INSL6: variants seen among roughly 807,000 people sequenced by gnomAD.
INSL6 encodes the protein insulin like 6, also known as insulin-like peptide INSL6.
In INSL6, 16 loss-of-function variants were observed where a neutral mutation model predicts 9.4. That is an observed-to-expected ratio of 1.70 (90% CI 1.15 to 2.59). INSL6 has a LOEUF of 2.59. Ranked by LOEUF, INSL6 falls within the 30% of genes most tolerant of loss-of-function variation. The pLI, the probability that INSL6 is intolerant of heterozygous loss-of-function variation, is 0.00. For missense variants in INSL6, 391 were observed against 257.3 expected (o/e 1.52, Z -3.56); for synonymous variants, 154 against 96.9 (o/e 1.59, Z -3.46).
intron 2 of INSL6, among the ~76,000 whole-genome samples, chr9:5,147,044 A>G (rs565380609): frequency 7.9e-5 from 12 of 152,162 alleles, no homozygotes; most frequent in Non-Finnish European, 7.4e-5. Flanking sequence ...CCCTAGAACT[A>G]AAGTCTCTTA....
chr9:5,148,888 C>A (rs1179925586), intron 2 of INSL6, among the ~76,000 whole-genome samples: 1 of 152,228 alleles, frequency 6.6e-6, no homozygotes, highest in Non-Finnish European at 1.5e-5. Context: ...CATACTCCTA[C>A]AGGGCAGCCT....
chr9:5,014,392 A>C, the INSL6 span, among the ~76,000 whole-genome samples: 1 of 152,150 alleles, frequency 6.6e-6, no homozygotes. Context: ...CATTTATTCA[A>C]CAACTTTCAT....
the INSL6 span, among the ~76,000 whole-genome samples, chr9:5,002,302 C>G: frequency 6.6e-6 from 1 of 152,010 alleles, no homozygotes; most frequent in East Asian, 1.9e-4. Flanking sequence ...TCTCTAACCA[C>G]TATTTTAGCT....
At chr9:4,997,736 G>T in the INSL6 span, among the ~76,000 whole-genome samples, 1 of 152,190 alleles carries the variant, frequency 6.6e-6, no homozygotes. Flanking sequence ...GATTCATTAG[G>T]AGTGGATTTT....
chr9:5,147,012 C>T (rs2130891569), intron 2 of INSL6, among the ~76,000 whole-genome samples: 1 of 152,260 alleles, frequency 6.6e-6, no homozygotes, highest in East Asian at 1.9e-4. Flanking sequence ...GATTACCCTT[C>T]AGAGACCAGG....
At chr9:5,085,994 G>C in the INSL6 span, 2 of 903,734 alleles carry the variant, frequency 2.2e-6, no homozygotes, top group Non-Finnish European at 1.9e-6. Flanking sequence ...ACGGGGTTGT[G>C]TGATGAAACT....
chr9:5,061,159 CTT>C, the INSL6 span, among the ~76,000 whole-genome samples: 1 of 152,318 alleles, frequency 6.6e-6, no homozygotes. Context: ...GCAGAGTAGA[CTT>C]AGCATAATTC....
At chr9:5,070,050 T>C in the INSL6 span, 10 of 1,598,004 alleles carry the variant, frequency 6.3e-6, no homozygotes, top group Non-Finnish European at 8.5e-6. Context: ...AGATTTGATA[T>C]TTGTAAGTCA....
the INSL6 span, among the ~76,000 whole-genome samples, chr9:5,102,162 C>G: frequency 1.3e-5 from 2 of 152,116 alleles, no homozygotes; most frequent in African/African-American, 4.8e-5. Context: ...AGACCAATGG[C>G]TAACTACAAT....
chr9:5,022,270 A>T, the INSL6 span: 12 of 1,147,032 alleles, frequency 1.0e-5, no homozygotes, highest in Admixed American at 2.0e-4. Flanking sequence ...TAATTATGCT[A>T]TGCTAATACT....
chr9:5,154,912 T>A (rs2130898230), intron 2 of INSL6, among the ~76,000 whole-genome samples: 1 of 152,228 alleles, frequency 6.6e-6, no homozygotes, highest in African/African-American at 2.4e-5. Flanking sequence ...TGGAAGTCAG[T>A]GTGGCGATTC....
chr9:5,012,198 C>G, the INSL6 span, among the ~76,000 whole-genome samples: 1 of 152,156 alleles, frequency 6.6e-6, no homozygotes, highest in East Asian at 1.9e-4. Context: ...GCTCTGTCCC[C>G]TCCTCTGGCC....
At chr9:4,994,075 A>T in the INSL6 span, among the ~76,000 whole-genome samples, 1 of 152,182 alleles carries the variant, frequency 6.6e-6, no homozygotes, top group Non-Finnish European at 1.5e-5. Flanking sequence ...GTTAATAATT[A>T]TCCTACTTGT....
At chr9:5,025,809 G>T in the INSL6 span, among the ~76,000 whole-genome samples, 3 of 152,092 alleles carry the variant, frequency 2.0e-5, no homozygotes, top group African/African-American at 7.2e-5. Context: ...GTGAGCCACT[G>T]CACCCAGCCA....
chr9:5,039,932 A>C, the INSL6 span, among the ~76,000 whole-genome samples: 2 of 152,228 alleles, frequency 1.3e-5, no homozygotes, highest in African/African-American at 4.8e-5. Context: ...GAATTCCTAA[A>C]TGTCTTTATT....
chr9:5,020,744 A>C, the INSL6 span, among the ~76,000 whole-genome samples: 1 of 152,066 alleles, frequency 6.6e-6, no homozygotes, highest in Non-Finnish European at 1.5e-5. Flanking sequence ...TGCTGGGAGC[A>C]GTGGGGTTAT....
chr9:5,102,582 C>T, the INSL6 span, among the ~76,000 whole-genome samples: 201 of 152,158 alleles, frequency 1.3e-3, 1 homozygote, highest in African/African-American at 4.5e-3. Context: ...CCCCAAGACA[C>T]GTAATTGTCA....
At chr9:5,174,763 G>T (rs1042920720) in intron 1 of INSL6, among the ~76,000 whole-genome samples, 4 of 152,106 alleles carry the variant, frequency 2.6e-5, no homozygotes, top group Non-Finnish European at 5.9e-5. Flanking sequence ...CCACATTAAT[G>T]TTTCAAACTC....
the INSL6 span, among the ~76,000 whole-genome samples, chr9:5,093,193 C>T: frequency 6.6e-6 from 1 of 152,078 alleles, no homozygotes; most frequent in African/African-American, 2.4e-5. Flanking sequence ...AATAAGCATC[C>T]TATTATTTAT....
Sources: allele counts gnomAD v4.1 joint callset (sites outside exome capture counted in the v4.1 genomes callset), GRCh38; gene constraint gnomAD v4.1.1; transcripts MANE v1.5; gene names NCBI Gene and HGNC (gene_info 2026-07-23, HGNC 2026-07-21).